GLB1L2: variants seen among roughly 807,000 people sequenced by gnomAD.
The protein encoded by GLB1L2 is galactosidase beta 1 like 2, also known as beta-galactosidase-1-like protein 2.
GLB1L2 carries 68 observed loss-of-function variants against 84.1 expected under a neutral mutation model. That is an observed-to-expected ratio of 0.81 (90% CI 0.67 to 0.99). The LOEUF is 0.99. Ranked by LOEUF, GLB1L2 falls within the 50% of genes least tolerant of loss-of-function variation. The probability of loss-of-function intolerance (pLI) is 0.00; values close to 1 mark genes in which losing one functional copy is unlikely to be tolerated. For missense variants in GLB1L2, 762 were observed against 805.6 expected (o/e 0.95, Z 0.66); for synonymous variants, 290 against 318.0 (o/e 0.91, Z 0.94).
At chr11:134,344,767 A>G (rs1472006050) in intron 3 of GLB1L2, among the ~76,000 whole-genome samples, 1 of 152,220 alleles carries the variant, frequency 6.6e-6, no homozygotes, top group East Asian at 1.9e-4. Context: ...TAGGCTAGCA[A>G]GGCTATGGGG....
chr11:134,361,879 C>G (rs900353880), intron 7 of GLB1L2, among the ~76,000 whole-genome samples: 1 of 152,182 alleles, frequency 6.6e-6, no homozygotes, highest in Non-Finnish European at 1.5e-5. Context: ...ACAGGGGACT[C>G]CGGCTCCCGA....
intron 1 of GLB1L2, among the ~76,000 whole-genome samples, chr11:134,341,539 A>T (rs1943462924): frequency 1.3e-5 from 2 of 152,220 alleles, no homozygotes; most frequent in Non-Finnish European, 2.9e-5. Context: ...TTTTCTCTTT[A>T]GAAAAAGAAA....
intron 1 of GLB1L2, 57 bp downstream of exon 1, chr11:134,332,204 C>G: frequency 7.9e-7 from 1 of 1,270,086 alleles, no homozygotes; most frequent in Admixed American, 2.3e-5. Flanking sequence ...GCCCTCCGCA[C>G]CTCGGGTTCT....
In GLB1L2 at chr11:134,375,146, T is replaced by A; in HGVS notation, c.*88T>A. On this transcript the variant is annotated 3_prime_UTR_variant, in exon 19 of 19. Transcript: ENST00000535456. ...TGGTGGCTGCTGCCCCACCCCTCACTGCAAAAGCATCTCCTTAAGTAGCAA... is the reference window on the plus strand; with the variant it reads ...TGGTGGCTGCTGCCCCACCCCTCACAGCAAAAGCATCTCCTTAAGTAGCAA... The A allele has an allele frequency of 1.0e-6, 1 of 987,570 alleles. No homozygotes were observed. Among genetic ancestry groups the A allele is most frequent in the Non-Finnish European group, 1.5e-6 (1 of 647,710 alleles). The allele number at this position is 987,570 out of a possible 1,614,324, so 61.2% of individuals were successfully genotyped here. A position where few individuals can be genotyped will look rare whatever the true frequency, so the allele number is the denominator to read the frequency against.
In GLB1L2 at chr11:134,370,991, A is replaced by G; in HGVS notation, c.1216-17A>G. On this transcript the variant is annotated splice_polypyrimidine_tract_variant and intron_variant, in intron 12 of 18. Coordinates refer to ENST00000535456, the MANE Select transcript of GLB1L2 (RefSeq NM_001370461.1). This position sits in a 1 kb window ranked among gnomAD's most constrained non-coding sequence, Gnocchi z 4.7. ...TCCTCCTGAGCCTGCCCACCCCTCC[A>G]TCTCTTCTGTACGCAGCCAATCAAG... 6.2e-7 allele frequency: 1 copy of G among 1,613,154 alleles called. No homozygotes were observed. The highest frequency in any genetic ancestry group is 8.5e-7 in the Non-Finnish European group (1 of 1,179,586).
intron 8 of GLB1L2, among the ~76,000 whole-genome samples, chr11:134,366,805 C>T (rs1943871415): frequency 6.6e-6 from 1 of 151,776 alleles, no homozygotes; most frequent in East Asian, 1.9e-4. Context: ...TTGAAGAGGG[C>T]CCACTCTGCA....
At position 134,345,171 on chromosome 11, in the gene GLB1L2, G is replaced by C. The variant is rs761861454; in HGVS notation, c.449+42G>C. On this transcript the variant is annotated intron_variant, in intron 4 of 18. Transcript: ENST00000535456. ...AGGGTCCTGTGTGCTGTGGCAAAAA[G>C]CTCACAGACATAGGTCTGGTTTGTT... 1.9e-6 allele frequency: 3 copies of C among 1,545,868 alleles called. No individual in the cohort carries two copies. The African/African-American group carries it at 4.1e-5, about 21-fold the overall frequency.
rs184603290 is a variant in GLB1L2, at chr11:134,340,651, T to C, written c.87-2103T>C. Among the ~76,000 whole-genome samples the C allele has an allele frequency of 2.5e-4, 38 of 152,330 alleles. No homozygotes were observed. In the East Asian group the frequency reaches 3.1e-3, roughly 12 times the overall value. ...TGTCTTAGCACTCCAGGGCTTCATC[T>C]GCAAGGATGTGGGCCAGCAGAGTTT... On this transcript the variant is annotated intron_variant, in intron 1 of 18. Transcript: ENST00000535456.
At chr11:134,369,627 G>T (rs1943919275) in intron 10 of GLB1L2, among the ~76,000 whole-genome samples, 178 bp from the exon 11 acceptor site, 1 of 152,258 alleles carries the variant, frequency 6.6e-6, no homozygotes, top group Non-Finnish European at 1.5e-5. Context: ...ATGGACGCTT[G>T]TTGTAGTTGC....
At position 134,342,909 on chromosome 11, in the gene GLB1L2, G is replaced by C; in HGVS notation, c.242G>C (p.Arg81Pro). Residue 81 changes from arginine (R) to proline (P), a missense_variant, in exon 2 of 19, where the codon CGC (arginine) becomes CCC (proline). Arg to Pro is a moderately radical substitution (Grantham distance 103). Around this residue, in one of 3 missense-constraint regions of GLB1L2, gnomAD observed 59 missense variants for 105.1 expected, o/e 0.56. Transcript: ENST00000535456. ...GTGCCCAGGGAGTACTGGAGGGACCGCCTGCTGAAGATGAAGGCCTGTGGC... is the reference window on the plus strand; with the variant it reads ...GTGCCCAGGGAGTACTGGAGGGACCCCCTGCTGAAGATGAAGGCCTGTGGC... ...FRVPREYWRDRLLKMKACGLN... is the reference protein window; with the variant it reads ...FRVPREYWRDPLLKMKACGLN... 6.2e-7 allele frequency: 1 copy of C among 1,613,886 alleles called. No homozygotes were observed. The highest frequency in any genetic ancestry group is 8.5e-7 in the Non-Finnish European group (1 of 1,179,918).
intron 5 of GLB1L2, among the ~76,000 whole-genome samples, chr11:134,352,760 T>C (rs1943650979): frequency 6.6e-6 from 1 of 151,914 alleles, no homozygotes; most frequent in African/African-American, 2.4e-5. Context: ...TGATTCTCAT[T>C]ACTCACCCTC....
At position 134,332,230 on chromosome 11, in the gene GLB1L2, G is replaced by C. The variant is rs949348274; in HGVS notation, c.86+83G>C. 5 of 995,830 alleles carry C rather than the reference G, an allele frequency of 5.0e-6. No homozygotes were observed. In the Admixed American group the frequency reaches 7.7e-5, roughly 15 times the overall value. The allele number at this position is 995,830 out of a possible 1,614,324, so 61.7% of individuals were successfully genotyped here. ...CTCGGGTTCTCTCCTCCCGCGACCC[G>C]CGAATCCCGAGTTCCCGGGGGGAGC... On this transcript the variant is annotated intron_variant, in intron 1 of 18. Coordinates refer to ENST00000535456, the MANE Select transcript of GLB1L2 (RefSeq NM_001370461.1).
chr11:134,367,046 T>C (rs1943874971), intron 8 of GLB1L2: 2 of 603,804 alleles, frequency 3.3e-6, no homozygotes, highest in Non-Finnish European at 5.9e-6. Flanking sequence ...ATCTGCTCTA[T>C]ACCTGCAGGA....
intron 7 of GLB1L2, among the ~76,000 whole-genome samples, chr11:134,362,789 G>C (rs926274618): frequency 6.6e-6 from 1 of 152,196 alleles, no homozygotes; most frequent in African/African-American, 2.4e-5. Flanking sequence ...GTGGGAATGA[G>C]GATGAAGGCT....
At chr11:134,349,019 A>G (rs1210031927) in intron 5 of GLB1L2, among the ~76,000 whole-genome samples, 1 of 152,174 alleles carries the variant, frequency 6.6e-6, no homozygotes, top group Non-Finnish European at 1.5e-5. Flanking sequence ...CAACATGTAA[A>G]TTTTGGGAGA....
intron 5 of GLB1L2, among the ~76,000 whole-genome samples, chr11:134,349,185 A>G (rs1395865748): frequency 3.3e-5 from 5 of 152,226 alleles, no homozygotes; most frequent in African/African-American, 4.8e-5. Flanking sequence ...GCTACCAAAT[A>G]TAAGTGAAAT....
In GLB1L2 at chr11:134,375,023, A is replaced by G; in HGVS notation, c.1876A>G (p.Thr626Ala). The change falls in exon 19 of 19, where the codon ACC becomes GCC. Residue 626 changes from threonine to alanine, a missense_variant. Transcript: ENST00000535456. The part of the protein sequence containing the change: ...MAGPALQFTE[T>A]PHLGRNQYIK ...GGGCCCTGCATTACAGTTCACGGAA[A>G]CCCCCCACCTGGGCAGGAACCAGTA... is the stretch of plus-strand genomic sequence containing the variant. 4 of 1,613,418 alleles carry G rather than the reference A, an allele frequency of 2.5e-6. No individual in the cohort carries two copies. The highest frequency in any genetic ancestry group is 3.4e-6 in the Non-Finnish European group (4 of 1,179,896).
chr11:134,354,366 A>G (rs1943674707), intron 5 of GLB1L2, among the ~76,000 whole-genome samples: 2 of 152,120 alleles, frequency 1.3e-5, no homozygotes, highest in South Asian at 4.1e-4. Flanking sequence ...ACTTAAATTT[A>G]TAATTATTTT....
intron 6 of GLB1L2, among the ~76,000 whole-genome samples, chr11:134,357,948 T>C (rs148344535): frequency 1.2e-3 from 182 of 152,266 alleles, no homozygotes; most frequent in Middle Eastern, 3.4e-3. Context: ...AGTAAATGCT[T>C]GCTAAATATC....
Sources: gnomAD v4.1 joint callset for allele counts (sites outside exome capture counted in the v4.1 genomes callset) on GRCh38, gnomAD v4.1.1 for gene constraint, gnomAD v4.1.1 regional missense constraint, Gnocchi (gnomAD v3.1) non-coding constraint, MANE v1.5 for transcripts, NCBI Gene and HGNC (gene_info 2026-07-23, HGNC 2026-07-21) for gene names.